ZC2HC1B: variants seen among roughly 807,000 people sequenced by gnomAD.
The protein encoded by ZC2HC1B is zinc finger C2HC domain-containing protein 1B.
A neutral mutation model predicts 31.0 loss-of-function variants in ZC2HC1B; 36 were observed. The ratio of observed to expected loss-of-function variants is 1.16; its 90% CI spans 0.89 to 1.54. The LOEUF (loss-of-function observed/expected upper bound fraction) is 1.54, where lower values mean the gene tolerates loss of function less well. Among genes scored for constraint, ZC2HC1B ranks in the 40% most tolerant of loss-of-function variants. The pLI, the probability that ZC2HC1B is intolerant of heterozygous loss-of-function variation, is 0.00. For missense variants in ZC2HC1B, 260 were observed against 268.6 expected (o/e 0.97, Z 0.22); for synonymous variants, 73 against 88.0 (o/e 0.83, Z 0.95).
chr6:143,884,360 G>A lies in ZC2HC1B; in HGVS notation c.85G>A (p.Val29Ile), dbSNP rs1489976068. The change falls in exon 2 of 8, where the codon GTT (valine) becomes ATT (isoleucine). Residue 29 changes from valine to isoleucine, a missense_variant. Coordinates refer to ENST00000237275, the MANE Select transcript of ZC2HC1B (RefSeq NM_001013623.3). The surrounding 1 kb of genome is among the most constrained non-coding windows in gnomAD (Gnocchi z 5.1). ...EVCGRRFAAD[V>I]LERHGPICKK... Reference sequence around the variant, plus strand: ...CTGTGGAAGACGTTTTGCAGCAGATGTTCTGGTAAACATAAAGACATTTTG... The same window carrying A: ...CTGTGGAAGACGTTTTGCAGCAGATATTCTGGTAAACATAAAGACATTTTG... The A allele has an allele frequency of 1.3e-6, 2 of 1,537,774 alleles. No individual in the cohort carries two copies. The highest frequency in any genetic ancestry group is 1.8e-6 in the Non-Finnish European group (2 of 1,136,594).
At position 143,903,409 on chromosome 6, in the gene ZC2HC1B, C is replaced by T. The variant is rs1777758954; in HGVS notation, c.598+257C>T. Among the ~76,000 whole-genome samples the T allele has an allele frequency of 6.6e-6, 1 of 152,056 alleles. No homozygotes were observed. The highest frequency in any genetic ancestry group is 2.1e-4 in the South Asian group (1 of 4,818). On this transcript the variant is annotated intron_variant, in intron 6 of 7. Coordinates refer to ENST00000237275, the MANE Select transcript of ZC2HC1B (RefSeq NM_001013623.3). This position sits in a 1 kb window ranked among gnomAD's most constrained non-coding sequence, Gnocchi z 4.3. ...GGAGTCTAAACCATTGTTCTCCGGTCTAGTAAAATTGAAGAGATTGAAAAT... is the reference window on the plus strand; with the variant it reads ...GGAGTCTAAACCATTGTTCTCCGGTTTAGTAAAATTGAAGAGATTGAAAAT...
At position 143,918,257 on chromosome 6, in the gene ZC2HC1B, C is replaced by G. The variant is rs138973250; in HGVS notation, c.598+15105C>G. On this transcript the variant is annotated intron_variant, in intron 6 of 7. Transcript: ENST00000237275. This position sits in a 1 kb window ranked among gnomAD's most constrained non-coding sequence, Gnocchi z 4.1. ...TCAAGCAATCCTCCTACCCCAGCCT[C>G]CTGAGTAGCTGAGACTAGAGGCATG... 1.9e-3 allele frequency among the ~76,000 whole-genome samples: 291 copies of G among 152,312 alleles called. 5 individuals are homozygous for G. Among genetic ancestry groups the G allele is most frequent in the East Asian group, 0.012 (63 of 5,176 alleles).
chr6:143,870,062 A>G lies in ZC2HC1B; in HGVS notation c.28+5495A>G, dbSNP rs998252162. Among the ~76,000 whole-genome samples, 5 of 152,118 alleles carry G rather than the reference A, an allele frequency of 3.3e-5. No homozygotes were observed. Among genetic ancestry groups the G allele is most frequent in the Admixed American group, 1.3e-4 (2 of 15,278 alleles). On this transcript the variant is annotated intron_variant, in intron 1 of 7. Transcript: ENST00000237275. The surrounding 1 kb of genome is among the most constrained non-coding windows in gnomAD (Gnocchi z 4.7). ...GGTCCATCCACATACCTCTTCCCCA[A>G]ATTTCTTTGTCACCAATTTTCCAAT...
At position 143,923,002 on chromosome 6, in the gene ZC2HC1B, C is replaced by T. The variant is rs761127962; in HGVS notation, c.599-14647C>T. Among the ~76,000 whole-genome samples, 1 of 152,196 alleles carries T rather than the reference C, an allele frequency of 6.6e-6. No homozygotes were observed. The highest frequency in any genetic ancestry group is 1.5e-5 in the Non-Finnish European group (1 of 68,022). On this transcript the variant is annotated intron_variant, in intron 6 of 7. Coordinates refer to ENST00000237275, the MANE Select transcript of ZC2HC1B (RefSeq NM_001013623.3). This position sits in a 1 kb window ranked among gnomAD's most constrained non-coding sequence, Gnocchi z 4.8. ...ATAATATAGAGTTCCCTTTTCTCCG[C>T]ATCCTCACAAGCATCTGTTATTTCT...
In ZC2HC1B at chr6:143,868,915, T is replaced by G. The variant is rs1266242163; in HGVS notation, c.28+4348T>G. ...AAAAAGTAAATAAAATGAAGATATCTTCTTAGTACACGTGTGTACATGCAC... is the reference window on the plus strand; with the variant it reads ...AAAAAGTAAATAAAATGAAGATATCGTCTTAGTACACGTGTGTACATGCAC... On this transcript the variant is annotated intron_variant, in intron 1 of 7. Coordinates refer to ENST00000237275, the MANE Select transcript of ZC2HC1B (RefSeq NM_001013623.3). This position sits in a 1 kb window ranked among gnomAD's most constrained non-coding sequence, Gnocchi z 4.2. Among the ~76,000 whole-genome samples the G allele has an allele frequency of 6.6e-6, 1 of 152,166 alleles. No individual in the cohort carries two copies. Among genetic ancestry groups the G allele is most frequent in the African/African-American group, 2.4e-5 (1 of 41,414 alleles).
Position 143,869,510 on chromosome 6 carries a change from G to A in ZC2HC1B, c.28+4943G>A, listed in dbSNP as rs960040488. ...CTCTCTCTCTGTAAAGAGAGGCAAT[G>A]CTGTGTGGAATACCATGACAGTGGA... On this transcript the variant is annotated intron_variant, in intron 1 of 7. Coordinates refer to ENST00000237275, the MANE Select transcript of ZC2HC1B (RefSeq NM_001013623.3). This position sits in a 1 kb window ranked among gnomAD's most constrained non-coding sequence, Gnocchi z 5.2. Among the ~76,000 whole-genome samples the A allele has an allele frequency of 6.6e-6, 1 of 152,200 alleles. No homozygotes were observed. Among genetic ancestry groups the A allele is most frequent in the Non-Finnish European group, 1.5e-5 (1 of 68,030 alleles).
intron 6 of ZC2HC1B, among the ~76,000 whole-genome samples, chr6:143,916,240 G>A (rs1322447661): frequency 3.3e-5 from 5 of 152,242 alleles, no homozygotes; most frequent in Non-Finnish European, 7.3e-5. Context: ...CAGCTTCCAC[G>A]TGGTGTTGAG....
chr6:143,929,382 T>G (rs1006389006), intron 6 of ZC2HC1B, among the ~76,000 whole-genome samples: 4 of 152,252 alleles, frequency 2.6e-5, no homozygotes, highest in South Asian at 2.1e-4. Flanking sequence ...ATGAATCACA[T>G]TTATTGATAT....
chr6:143,864,648 G>C, intron 1 of ZC2HC1B, 81 bp downstream of exon 1: 1 of 1,435,348 alleles, frequency 7.0e-7, no homozygotes, highest in Non-Finnish European at 9.6e-7. Flanking sequence ...AAAGCTGGTA[G>C]GTATTAGCTT....
At chr6:143,909,148 T>C (rs1777830434) in intron 6 of ZC2HC1B, among the ~76,000 whole-genome samples, 1 of 152,204 alleles carries the variant, frequency 6.6e-6, no homozygotes, top group Non-Finnish European at 1.5e-5. Flanking sequence ...AGCTTTTTGA[T>C]GTGCTGCTGG....
At chr6:143,892,896 AT>A (rs1008787989) in intron 4 of ZC2HC1B, among the ~76,000 whole-genome samples, 5 of 151,656 alleles carry the variant, frequency 3.3e-5, no homozygotes, top group Admixed American at 2.6e-4. Flanking sequence ...TCCACTAATA[AT>A]TTTTTTTTAA....
rs1777502941 is a variant in ZC2HC1B at position 143,884,023 on chromosome 6, C to T, written c.29-281C>T. On this transcript the variant is annotated intron_variant, in intron 1 of 7. Coordinates refer to ENST00000237275, the MANE Select transcript of ZC2HC1B (RefSeq NM_001013623.3). The surrounding 1 kb of genome is among the most constrained non-coding windows in gnomAD (Gnocchi z 5.1). ...ATGTCTCAAGCAAAGTTATCAGGCA[C>T]TTCATGTAAGAATATATTAAATATT... is the stretch of plus-strand genomic sequence containing the variant. Among the ~76,000 whole-genome samples, 1 of 152,132 alleles carries T rather than the reference C, an allele frequency of 6.6e-6. No homozygotes were observed. The highest frequency in any genetic ancestry group is 1.5e-5 in the Non-Finnish European group (1 of 68,016).
At position 143,915,406 on chromosome 6, in the gene ZC2HC1B, G is replaced by C. The variant is rs964897505; in HGVS notation, c.598+12254G>C. ...AGCCTTGGGTATGTCTTTTTCGGCA[G>C]CATGAAAACAGACGAATACAGTAAA... On this transcript the variant is annotated intron_variant, in intron 6 of 7. Transcript: ENST00000237275. The surrounding 1 kb of genome is among the most constrained non-coding windows in gnomAD (Gnocchi z 5.2). Among the ~76,000 whole-genome samples the C allele has an allele frequency of 1.3e-5, 2 of 152,176 alleles. No individual in the cohort carries two copies. The highest frequency in any genetic ancestry group is 1.5e-5 in the Non-Finnish European group (1 of 68,040).
In ZC2HC1B at chr6:143,865,453, T is replaced by C. The variant is rs190685915; in HGVS notation, c.28+886T>C. The stretch of plus-strand genomic sequence containing the variant: ...CTCAGCTGTAACCTTCACTATAGGC[T>C]ATTCCCTGAGCTTGTATTTAAAAAT... On this transcript the variant is annotated intron_variant, in intron 1 of 7. Coordinates refer to ENST00000237275, the MANE Select transcript of ZC2HC1B (RefSeq NM_001013623.3). This position sits in a 1 kb window ranked among gnomAD's most constrained non-coding sequence, Gnocchi z 4.4. Among the ~76,000 whole-genome samples, 45 of 152,342 alleles carry C rather than the reference T, an allele frequency of 3.0e-4. No homozygotes were observed. Among genetic ancestry groups the C allele is most frequent in the Admixed American group, 7.8e-4 (12 of 15,304 alleles).
chr6:143,925,368 G>T (rs1298176370), intron 6 of ZC2HC1B, among the ~76,000 whole-genome samples: 1 of 150,850 alleles, frequency 6.6e-6, no homozygotes, highest in African/African-American at 2.4e-5. Context: ...GTAGAGACGG[G>T]GTTTCACTTT....
intron 1 of ZC2HC1B, among the ~76,000 whole-genome samples, chr6:143,873,542 C>A (rs1041305390): frequency 6.6e-6 from 1 of 152,234 alleles, no homozygotes. Context: ...CCCACCCCTG[C>A]AGCAAACTTT....
chr6:143,909,294 G>A (rs1303999923), intron 6 of ZC2HC1B, among the ~76,000 whole-genome samples: 2 of 152,096 alleles, frequency 1.3e-5, no homozygotes, highest in African/African-American at 2.4e-5. Flanking sequence ...CTACTCAGGA[G>A]GCTGAGGCAT....
intron 1 of ZC2HC1B, among the ~76,000 whole-genome samples, chr6:143,875,346 TA>T (rs1777393054): frequency 2.2e-5 from 3 of 137,016 alleles, no homozygotes; most frequent in Non-Finnish European, 4.9e-5. Context: ...CCACCATCAT[TA>T]TGCCTTTGGA....
At chr6:143,914,688 C>T (rs1222277729) in intron 6 of ZC2HC1B, among the ~76,000 whole-genome samples, 1 of 152,048 alleles carries the variant, frequency 6.6e-6, no homozygotes. Context: ...CTGTCTATTT[C>T]TCCCTTTAGT....
Sources: allele counts gnomAD v4.1 joint callset (sites outside exome capture counted in the v4.1 genomes callset), GRCh38; gene constraint gnomAD v4.1.1; non-coding constraint Gnocchi (gnomAD v3.1); transcripts MANE v1.5; gene names NCBI Gene and HGNC (gene_info 2026-07-23, HGNC 2026-07-21).